GRIK2: variants seen among roughly 807,000 people sequenced by gnomAD.
GRIK2 encodes the protein glutamate ionotropic receptor kainate type subunit 2.
Under a neutral mutation model 100.3 loss-of-function variants are expected in GRIK2, and 32 were observed. The ratio of observed to expected loss-of-function variants is 0.32; its 90% CI spans 0.24 to 0.43. The LOEUF is 0.43. Among genes scored for constraint, GRIK2 ranks in the 20% least tolerant of loss-of-function variants. The pLI, the probability that GRIK2 is intolerant of heterozygous loss-of-function variation, is 1.00. For missense variants in GRIK2, 843 were observed against 1,114.9 expected, an observed-to-expected ratio of 0.76 and a Z score of 3.47; for synonymous variants, 417 against 389.4, an observed-to-expected ratio of 1.07 and a Z score of -0.83.
At chr6:101,931,094 A>T (rs114493172) in intron 14 of GRIK2, among the ~76,000 whole-genome samples, 1,965 of 152,216 alleles carry the variant, frequency 0.013, 50 homozygotes, top group African/African-American at 0.045. Flanking sequence ...AAATGTTGAT[A>T]TTTTTGGTAT....
intron 7 of GRIK2, among the ~76,000 whole-genome samples, chr6:101,701,164 A>G (rs778045630): frequency 2.0e-5 from 3 of 152,250 alleles, no homozygotes; most frequent in Middle Eastern, 3.4e-3. Flanking sequence ...TGGAGAAAAA[A>G]ATTTCAGACT....
chr6:101,442,000 C>T (rs1409430205), intron 2 of GRIK2, among the ~76,000 whole-genome samples: 1 of 150,260 alleles, frequency 6.7e-6, no homozygotes, highest in Non-Finnish European at 1.5e-5. Flanking sequence ...CAGAATTTTT[C>T]CAATTCTTGG....
chr6:101,716,761 GCAAAA>G (rs970805608), intron 7 of GRIK2, among the ~76,000 whole-genome samples: 3 of 151,572 alleles, frequency 2.0e-5, no homozygotes, highest in African/African-American at 7.3e-5. Context: ...ATAAAACAAA[GCAAAA>G]CAAAACAAAT....
chr6:101,970,339 G>T (rs1469365072), intron 14 of GRIK2, among the ~76,000 whole-genome samples: 1 of 151,924 alleles, frequency 6.6e-6, no homozygotes, highest in East Asian at 1.9e-4. Flanking sequence ...ACCCAGGAAA[G>T]AATTTAGGCA....
intron 2 of GRIK2, among the ~76,000 whole-genome samples, chr6:101,435,573 A>T (rs570887034): frequency 6.6e-6 from 1 of 151,846 alleles, no homozygotes; most frequent in African/African-American, 2.4e-5. Flanking sequence ...CTTTTCCATG[A>T]TCTCCATGCC....
intron 1 of GRIK2, among the ~76,000 whole-genome samples, chr6:101,396,761 A>G (rs979746933): frequency 6.6e-6 from 1 of 152,186 alleles, no homozygotes; most frequent in East Asian, 1.9e-4. Context: ...GTGGTCCTGA[A>G]GAAAGGTCGT....
chr6:101,942,900 A>C (rs1791043958), intron 14 of GRIK2, among the ~76,000 whole-genome samples: 1 of 152,236 alleles, frequency 6.6e-6, no homozygotes, highest in Non-Finnish European at 1.5e-5. Context: ...TGGCTGCAGA[A>C]ATTTGCATAA....
intron 2 of GRIK2, among the ~76,000 whole-genome samples, chr6:101,428,136 T>C (rs1307661179): frequency 6.6e-6 from 1 of 152,210 alleles, no homozygotes; most frequent in Non-Finnish European, 1.5e-5. Flanking sequence ...TTTTGTTTCA[T>C]GTGAACCAGA....
intron 14 of GRIK2, among the ~76,000 whole-genome samples, chr6:102,024,327 C>T (rs2114378601): frequency 6.6e-6 from 1 of 151,172 alleles, no homozygotes; most frequent in African/African-American, 2.4e-5. Context: ...ATACCTGTAG[C>T]TTGAAATCAT....
Position 101,928,406 on chromosome 6 carries a change from C to T in GRIK2, c.1868-9C>T. On this transcript the variant is annotated splice_polypyrimidine_tract_variant and intron_variant, in intron 13 of 16. Coordinates refer to ENST00000369134, the MANE Select transcript of GRIK2 (RefSeq NM_021956.5). ...ATATTCGTTTCACCTTTCCCCCACT[C>T]TCTGTTAGGTTCTGAGCTCATGCCC... 3 of 1,461,622 alleles carry T rather than the reference C, an allele frequency of 2.1e-6. No homozygotes were observed. Among genetic ancestry groups the T allele is most frequent in the Middle Eastern group, 1.7e-4 (1 of 5,794 alleles). 90.5% of individuals were successfully genotyped at this position (1,461,622 alleles called of 1,614,324 possible).
intron 2 of GRIK2, among the ~76,000 whole-genome samples, chr6:101,470,330 C>T (rs983213318): frequency 2.6e-5 from 4 of 152,104 alleles, no homozygotes; most frequent in African/African-American, 9.7e-5. Context: ...CCCTGAGAGA[C>T]ACTCTTATAT....
At chr6:101,506,736 C>T (rs1582603190) in intron 2 of GRIK2, among the ~76,000 whole-genome samples, 1 of 152,064 alleles carries the variant, frequency 6.6e-6, no homozygotes, top group African/African-American at 2.4e-5. Flanking sequence ...ATGTATTCAG[C>T]TATGCATAAA....
At chr6:101,595,738 A>C (rs934110888) in intron 2 of GRIK2, among the ~76,000 whole-genome samples, 15 of 148,368 alleles carry the variant, frequency 1.0e-4, no homozygotes, top group Non-Finnish European at 1.6e-4. Context: ...ATATATATAT[A>C]TATTCATACA....
At chr6:101,652,602 G>A (rs1283558453) in intron 4 of GRIK2, among the ~76,000 whole-genome samples, 3 of 152,082 alleles carry the variant, frequency 2.0e-5, no homozygotes, top group Non-Finnish European at 2.9e-5. Context: ...TAGATGGCAG[G>A]GGAATTGGTG....
chr6:101,775,953 T>G (rs1778722005), intron 7 of GRIK2, among the ~76,000 whole-genome samples: 1 of 152,126 alleles, frequency 6.6e-6, no homozygotes, highest in African/African-American at 2.4e-5. Flanking sequence ...TGAAATTTTC[T>G]TTAATGCATT....
intron 2 of GRIK2, among the ~76,000 whole-genome samples, chr6:101,509,223 T>G (rs1158585609): frequency 6.6e-6 from 1 of 151,984 alleles, no homozygotes; most frequent in Non-Finnish European, 1.5e-5. Context: ...GATTAAATTT[T>G]ATAATGTACA....
chr6:101,723,241 A>G (rs899237147), intron 7 of GRIK2, among the ~76,000 whole-genome samples: 6 of 152,036 alleles, frequency 3.9e-5, no homozygotes, highest in Non-Finnish European at 7.4e-5. Flanking sequence ...TTCTCCAGGC[A>G]TAGTGTTTCA....
chr6:101,966,699 G>C (rs1369707228), intron 14 of GRIK2, among the ~76,000 whole-genome samples: 1 of 152,010 alleles, frequency 6.6e-6, no homozygotes, highest in Non-Finnish European at 1.5e-5. Flanking sequence ...CTCCTCACTT[G>C]CTCTGAGCTG....
intron 14 of GRIK2, among the ~76,000 whole-genome samples, chr6:102,020,245 G>GA (rs143416157): frequency 0.07 from 10,594 of 150,556 alleles, 899 homozygotes; most frequent in African/African-American, 0.2. Context: ...TAGTGTTAAA[G>GA]AAAAAAAAAT....
Sources: allele counts gnomAD v4.1 joint callset (sites outside exome capture counted in the v4.1 genomes callset), GRCh38; gene constraint gnomAD v4.1.1; transcripts MANE v1.5; gene names NCBI Gene and HGNC (gene_info 2026-07-23, HGNC 2026-07-21).